Variants in SYT9 observed in about 807,000 individuals in gnomAD.
The protein encoded by SYT9 is synaptotagmin 9, also known as synaptotagmin-9.
In SYT9, 22 loss-of-function variants were observed where a neutral mutation model predicts 48.4. The observed-to-expected ratio is 0.45, with a 90% CI of 0.32 to 0.65. The LOEUF (loss-of-function observed/expected upper bound fraction) is 0.65. SYT9 is among the 30% of genes least tolerant of loss of function. SYT9 has a pLI of 0.03. For synonymous variants in SYT9, 265 were observed against 245.0 expected (o/e 1.08, Z -0.76); for missense variants, 577 against 622.0 (o/e 0.93, Z 0.77).
At chr11:7,394,242 G>C (rs1383406381) in intron 3 of SYT9, among the ~76,000 whole-genome samples, 3 of 151,894 alleles carry the variant, frequency 2.0e-5, no homozygotes, top group African/African-American at 4.8e-5. Context: ...ATAGTTTGCT[G>C]AGAATGATGG....
Position 7,317,142 on chromosome 11 carries a change from C to T in SYT9, c.1044+3201C>T, listed in dbSNP as rs77435171. Among the ~76,000 whole-genome samples, 1,353 of 152,216 alleles carry T rather than the reference C, an allele frequency of 8.9e-3. 22 individuals carry two copies. Among genetic ancestry groups the T allele is most frequent in the African/African-American group, 0.03 (1,256 of 41,520 alleles). On this transcript the variant is annotated intron_variant, in intron 3 of 6. Transcript: ENST00000318881. ...ATCAGGATTTTCTGTTGTAAATTAG[C>T]GCATTTGTGTCCTACTTAAGAAGTA...
chr11:7,387,817 GT>G (rs1308394143), intron 3 of SYT9, among the ~76,000 whole-genome samples: 1 of 152,062 alleles, frequency 6.6e-6, no homozygotes, highest in Non-Finnish European at 1.5e-5. Context: ...GGGCAGTTAA[GT>G]TGTTTAAATT....
chr11:7,407,505 C>T lies in SYT9; in HGVS notation c.1045-8537C>T, dbSNP rs1202448002. Among the ~76,000 whole-genome samples the T allele has an allele frequency of 2.0e-5, 2 of 100,392 alleles. 1 individual carries two copies. Among genetic ancestry groups the T allele is most frequent in the African/African-American group, 1.4e-4 (2 of 14,210 alleles). The allele number at this position is 100,392 out of a possible 152,430, so 65.9% of individuals were successfully genotyped here. A position where few individuals can be genotyped will look rare whatever the true frequency, so the allele number is the denominator to read the frequency against. On this transcript the variant is annotated intron_variant, in intron 3 of 6. Transcript: ENST00000318881. Reference sequence around the variant, plus strand: ...ACGCCATTCTCCTGCCTCAGCCTCCCCAGTAGCTGGGACTACAGGCGCCCG... The same window carrying T: ...ACGCCATTCTCCTGCCTCAGCCTCCTCAGTAGCTGGGACTACAGGCGCCCG...
chr11:7,415,365 G>A (rs560145222), intron 3 of SYT9, among the ~76,000 whole-genome samples: 5 of 152,272 alleles, frequency 3.3e-5, no homozygotes, highest in Admixed American at 1.3e-4. Context: ...CAGTGGAGCC[G>A]TGTGCTGGTC....
At chr11:7,251,132 A>ACACACACACACACC (rs146134507), upstream of SYT9, among the ~76,000 whole-genome samples, 335 of 127,926 alleles carry the variant, frequency 2.6e-3, no homozygotes, top group African/African-American at 6.9e-3. Context: ...ACACACACAC[A>ACACACACACACACC]CCCAGAGTAC....
intron 3 of SYT9, among the ~76,000 whole-genome samples, chr11:7,398,629 C>T (rs560786217): frequency 6.6e-6 from 1 of 152,252 alleles, no homozygotes; most frequent in African/African-American, 2.4e-5. Flanking sequence ...CCAGGACAGT[C>T]TCGATTACAG....
intron 1 of SYT9, among the ~76,000 whole-genome samples, chr11:7,274,097 T>C (rs1229227723): frequency 6.6e-6 from 1 of 152,184 alleles, no homozygotes; most frequent in Non-Finnish European, 1.5e-5. Flanking sequence ...TTTATATTTA[T>C]TTCTGGCTTG....
intron 1 of SYT9, among the ~76,000 whole-genome samples, chr11:7,285,701 G>T (rs1243642690): frequency 6.6e-6 from 1 of 152,194 alleles, no homozygotes; most frequent in Non-Finnish European, 1.5e-5. Context: ...CTTTGAGCCT[G>T]TAAAATCTAA....
At chr11:7,420,394 A>G in intron 5 of SYT9, 112 bp from the exon 6 acceptor site, 1 of 1,398,742 alleles carries the variant, frequency 7.1e-7, no homozygotes, top group South Asian at 1.4e-5. Flanking sequence ...AAAAACAAAC[A>G]AACAAACAAA....
intron 3 of SYT9, among the ~76,000 whole-genome samples, chr11:7,415,325 C>A (rs1328044585): frequency 6.6e-6 from 1 of 152,120 alleles, no homozygotes; most frequent in East Asian, 1.9e-4. Context: ...TTGTTTGGAG[C>A]TATGCGATAG....
chr11:7,337,060 C>T (rs1849642991), intron 3 of SYT9, among the ~76,000 whole-genome samples: 2 of 152,094 alleles, frequency 1.3e-5, no homozygotes, highest in South Asian at 4.2e-4. Flanking sequence ...GACATCTTTA[C>T]CTCCCTGGTT....
At chr11:7,301,877 T>C (rs1045804219) in intron 1 of SYT9, among the ~76,000 whole-genome samples, 12 of 152,158 alleles carry the variant, frequency 7.9e-5, no homozygotes, top group African/African-American at 1.9e-4. Context: ...GCCTCCTTGG[T>C]TCTACTGTAG....
chr11:7,312,443 A>C (rs754058500), intron 2 of SYT9, among the ~76,000 whole-genome samples: 6 of 152,130 alleles, frequency 3.9e-5, no homozygotes, highest in Non-Finnish European at 8.8e-5. Context: ...CAATATAATG[A>C]CTCTAAACTC....
intron 3 of SYT9, among the ~76,000 whole-genome samples, chr11:7,319,896 T>C (rs549948700): frequency 1.3e-5 from 2 of 152,324 alleles, no homozygotes; most frequent in South Asian, 4.1e-4. Flanking sequence ...TTCTGTCCAC[T>C]GAAAAATTCT....
intron 3 of SYT9, among the ~76,000 whole-genome samples, chr11:7,396,954 T>C (rs1846767173): frequency 6.6e-6 from 1 of 152,172 alleles, no homozygotes; most frequent in Non-Finnish European, 1.5e-5. Context: ...GGCCTGCCCT[T>C]CCCCTTTTCC....
At chr11:7,397,660 C>T (rs951909667) in intron 3 of SYT9, among the ~76,000 whole-genome samples, 3 of 151,972 alleles carry the variant, frequency 2.0e-5, no homozygotes, top group African/African-American at 4.8e-5. Context: ...AGCATGGAAA[C>T]TCTTCATATA....
intron 3 of SYT9, among the ~76,000 whole-genome samples, chr11:7,377,820 G>T (rs1421780026): frequency 2.0e-5 from 3 of 152,134 alleles, no homozygotes; most frequent in Non-Finnish European, 4.4e-5. Flanking sequence ...CTTGGGAATG[G>T]TATAGGCTCT....
intron 1 of SYT9, among the ~76,000 whole-genome samples, chr11:7,246,336 T>C (rs950407737): frequency 2.0e-5 from 3 of 152,198 alleles, no homozygotes; most frequent in African/African-American, 7.2e-5. Context: ...AGAGCAAGGA[T>C]CATTGTTTAT....
intron 6 of SYT9, among the ~76,000 whole-genome samples, chr11:7,422,839 C>G (rs1590017925): frequency 6.6e-6 from 1 of 152,144 alleles, no homozygotes; most frequent in Admixed American, 6.5e-5. Context: ...AAGGAGAGTG[C>G]AGGGAGCAGG....
Sources: allele counts gnomAD v4.1 joint callset (sites outside exome capture counted in the v4.1 genomes callset), GRCh38; gene constraint gnomAD v4.1.1; transcripts MANE v1.5; gene names NCBI Gene and HGNC (gene_info 2026-07-23, HGNC 2026-07-21).